The following EIF4B variants were observed in gnomAD, a reference collection of about 807,000 sequenced individuals.
EIF4B encodes eukaryotic translation initiation factor 4B.
A neutral mutation model predicts 79.3 loss-of-function variants in EIF4B; 8 were observed. That is an observed-to-expected ratio of 0.10 (90% confidence interval 0.06 to 0.18). The LOEUF (loss-of-function observed/expected upper bound fraction) is 0.18, where lower values mean the gene tolerates loss of function less well. Among genes scored for constraint, EIF4B ranks in the 10% least tolerant of loss-of-function variants. The probability of loss-of-function intolerance (pLI) is 1.00; values close to 1 mark genes in which losing one functional copy is unlikely to be tolerated. For synonymous variants in EIF4B, 238 were observed against 274.7 expected (o/e 0.87, Z 1.32); for missense variants, 515 against 792.4 (o/e 0.65, Z 4.20).
chr12:53,039,781 A>T, intron 14 of EIF4B, 79 bp downstream of exon 14: 3 of 1,468,380 alleles, frequency 2.0e-6, no homozygotes, highest in South Asian at 2.5e-5. Context: ...TAAGAATTAA[A>T]AATTCTTAGT....
chr12:53,028,372 T>G (rs1943376971), intron 8 of EIF4B, among the ~76,000 whole-genome samples, 184 bp downstream of exon 8: 1 of 151,846 alleles, frequency 6.6e-6, no homozygotes, highest in South Asian at 2.1e-4. Flanking sequence ...GGTCAGGAGA[T>G]CGAGACCATC....
intron 14 of EIF4B, 37 bp downstream of exon 14, chr12:53,039,739 AG>A (rs758150535): frequency 3.1e-6 from 5 of 1,589,470 alleles, no homozygotes; most frequent in Non-Finnish European, 4.3e-6. Flanking sequence ...TTTCATTCTA[AG>A]AAAAATTCTT....
chr12:53,028,472 G>T (rs1943378735), intron 8 of EIF4B, among the ~76,000 whole-genome samples: 1 of 151,684 alleles, frequency 6.6e-6, no homozygotes, highest in Non-Finnish European at 1.5e-5. Flanking sequence ...GAAGAATGGT[G>T]GGAACCCGGG....
At position 53,006,460 on chromosome 12, in the gene EIF4B, T is replaced by G. The variant is rs372800658; in HGVS notation, c.-24T>G. On this transcript the variant is annotated 5_prime_UTR_variant, in exon 1 of 15. Transcript: ENST00000262056. ...ACGTGATTGCCTCATCCGGGTCTTT[T>G]GCGTTCTCTTTCCCTCTCCCAACAT... 7.9e-5 allele frequency: 128 copies of G among 1,613,106 alleles called. 1 individual carries two copies. The highest frequency in any genetic ancestry group is 2.9e-5 in the Non-Finnish European group (34 of 1,180,030).
At position 53,023,614 on chromosome 12, in the gene EIF4B, G is replaced by A. The variant is rs1379546290; in HGVS notation, c.667+987G>A. Among the ~76,000 whole-genome samples, 10 of 112,966 alleles carry A rather than the reference G, an allele frequency of 8.9e-5. No homozygotes were observed. In the South Asian group the frequency reaches 1.1e-3, roughly 13 times the overall value. 74.1% of individuals were successfully genotyped at this position (112,966 alleles called of 152,430 possible). A position where few individuals can be genotyped will look rare whatever the true frequency, so the allele number is the denominator to read the frequency against. On this transcript the variant is annotated intron_variant, in intron 6 of 14. Coordinates refer to ENST00000262056, the MANE Select transcript of EIF4B (RefSeq NM_001417.7). ...TTTTTTTTTTTTGAGACAGAGTTTCGCTCTTGTTGCCCAGGCCGGAGTGCA... is the reference window on the plus strand; with the variant it reads ...TTTTTTTTTTTTGAGACAGAGTTTCACTCTTGTTGCCCAGGCCGGAGTGCA...
At chr12:53,034,861 A>G (rs902000176) in intron 10 of EIF4B, 152 bp downstream of exon 10, 1 of 767,124 alleles carries the variant, frequency 1.3e-6, no homozygotes, top group Non-Finnish European at 2.2e-6. Flanking sequence ...CTTCTGCTCC[A>G]AAGAATCTGA....
rs577360978 is a variant in EIF4B, at chr12:53,025,865, T to A, written c.668-1917T>A. 1.9e-4 allele frequency among the ~76,000 whole-genome samples: 29 copies of A among 152,160 alleles called. No homozygotes were observed. In the South Asian group the frequency reaches 5.8e-3, roughly 30 times the overall value. On this transcript the variant is annotated intron_variant, in intron 6 of 14. Transcript: ENST00000262056. The stretch of plus-strand genomic sequence containing the variant: ...GCTCACGCCTGTAATCCCAGCACTT[T>A]GGGAGGCGGAGGCGGGCGGATCATG...
chr12:53,017,104 T>G (rs1006658132), intron 2 of EIF4B, among the ~76,000 whole-genome samples: 1 of 152,034 alleles, frequency 6.6e-6, no homozygotes, highest in African/African-American at 2.4e-5. Context: ...AATACAAAAA[T>G]TAGCTGGGCG....
chr12:53,031,111 T>C (rs1257778048), intron 8 of EIF4B, among the ~76,000 whole-genome samples: 1 of 152,230 alleles, frequency 6.6e-6, no homozygotes, highest in Admixed American at 6.5e-5. Context: ...CAGAGTTCCC[T>C]TTCTTGCTCC....
At position 53,039,691 on chromosome 12, in the gene EIF4B, A is replaced by G; in HGVS notation, c.1744A>G (p.Asn582Asp). Reference sequence around the variant, plus strand: ...ACCTGAGCCAAAGAAACCTGAGGAAAATCCAGCTTCCGTAAGTGTTGAAGG... The same window carrying G: ...ACCTGAGCCAAAGAAACCTGAGGAAGATCCAGCTTCCGTAAGTGTTGAAGG... Reference protein sequence around the residue: ...SAPEPKKPEENPASKFSSASK... With the variant: ...SAPEPKKPEEDPASKFSSASK... Residue 582 changes from asparagine (N) to aspartate (D), a missense_variant, in exon 14 of 15, where the codon AAT becomes GAT. By Grantham distance (23) the Asn-to-Asp change is conservative (BLOSUM62 1). Coordinates refer to ENST00000262056, the MANE Select transcript of EIF4B (RefSeq NM_001417.7). 9 of 1,613,740 alleles carry G rather than the reference A, an allele frequency of 5.6e-6. No individual in the cohort carries two copies. Among genetic ancestry groups the G allele is most frequent in the Non-Finnish European group, 7.6e-6 (9 of 1,179,784 alleles).
chr12:53,027,136 A>ATTATT (rs777111413), intron 6 of EIF4B, among the ~76,000 whole-genome samples: 1 of 29,444 alleles, frequency 3.4e-5, no homozygotes, highest in African/African-American at 5.9e-5. Context: ...AAAAAAAAAA[A>ATTATT]ATTTTTTTTT....
At chr12:53,017,959 A>G (rs1430462286) in intron 2 of EIF4B, among the ~76,000 whole-genome samples, 4 of 152,186 alleles carry the variant, frequency 2.6e-5, no homozygotes, top group Non-Finnish European at 4.4e-5. Context: ...ATTCATGGAC[A>G]GTGCTGTAGG....
At chr12:53,013,596 G>A (rs2120894097) in intron 1 of EIF4B, 1 of 152,186 alleles carries the variant, frequency 6.6e-6, no homozygotes, top group Admixed American at 6.6e-5. Flanking sequence ...AGACCAGCCT[G>A]GCCAACATGG....
At chr12:53,020,179 C>T (rs1262045104) in intron 4 of EIF4B, among the ~76,000 whole-genome samples, 153 bp downstream of exon 4, 1 of 152,198 alleles carries the variant, frequency 6.6e-6, no homozygotes, top group African/African-American at 2.4e-5. Flanking sequence ...TATCACTTAA[C>T]ATCGAACATC....
At chr12:53,021,740 A>G in intron 4 of EIF4B, 66 bp from the exon 5 acceptor site, 4 of 1,582,992 alleles carry the variant, frequency 2.5e-6, no homozygotes, top group Non-Finnish European at 3.5e-6. Flanking sequence ...CCAGACGTTC[A>G]AGGTCACTCA....
rs1212662441 is a variant in EIF4B at position 53,018,789 on chromosome 12, C to G, written c.152-9C>G. The G allele has an allele frequency of 6.2e-7, 1 of 1,611,944 alleles. No individual in the cohort carries two copies. The highest frequency in any genetic ancestry group is 8.5e-7 in the Non-Finnish European group (1 of 1,179,758). On this transcript the variant is annotated splice_polypyrimidine_tract_variant and intron_variant, in intron 2 of 14. Coordinates refer to ENST00000262056, the MANE Select transcript of EIF4B (RefSeq NM_001417.7). ...CTTCTAATTTCTTACATTCATTCCT[C>G]TATCCTAGTTTCGACCACTTGGCAC...
intron 4 of EIF4B, 152 bp from the exon 5 acceptor site, chr12:53,021,652 CTT>C (rs1943248403): frequency 2.3e-6 from 2 of 866,794 alleles, no homozygotes; most frequent in East Asian, 5.2e-5. Context: ...TTAAAGGACT[CTT>C]TAGCCCACAA....
At chr12:53,034,952 CTCTCTTTTT>C (rs1337011620) in intron 10 of EIF4B, among the ~76,000 whole-genome samples, 2 of 113,674 alleles carry the variant, frequency 1.8e-5, no homozygotes, top group African/African-American at 5.9e-5. Flanking sequence ...AGGTTTGTCT[CTCTCTTTTT>C]TTTTTTTTTT....
In EIF4B at chr12:53,028,023, T is replaced by A. The variant is rs202143280; in HGVS notation, c.814T>A (p.Ser272Thr). The change falls in exon 8 of 15, where the codon TCC (serine) becomes ACC (threonine). Residue 272 changes from serine to threonine, a missense_variant. Physicochemically the swap from Ser to Thr is moderately conservative, Grantham distance 58. Coordinates refer to ENST00000262056, the MANE Select transcript of EIF4B (RefSeq NM_001417.7). The stretch of plus-strand genomic sequence containing the variant: ...TTGGGATATATTTACAGGCTATGAT[T>A]CCCGGATAGGCAGTGGCAGAAGAGC... ...GSRDYDRGYD[S>T]RIGSGRRAFG... is the part of the protein sequence containing the mutation. 3.0e-5 allele frequency: 48 copies of A among 1,611,120 alleles called. No homozygotes were observed. The highest frequency in any genetic ancestry group is 3.8e-5 in the Non-Finnish European group (45 of 1,178,342).
Sources: allele counts gnomAD v4.1 joint callset (sites outside exome capture counted in the v4.1 genomes callset), GRCh38; gene constraint gnomAD v4.1.1; transcripts MANE v1.5; gene names NCBI Gene and HGNC (gene_info 2026-07-23, HGNC 2026-07-21).